The following PSMD1 variants were observed in gnomAD, a reference collection of about 807,000 sequenced individuals.
The protein encoded by PSMD1 is proteasome 26S subunit, non-ATPase 1.
Under a neutral mutation model 119.0 loss-of-function variants are expected in PSMD1, and 18 were observed. The observed-to-expected ratio is 0.15, with a 90% CI of 0.10 to 0.22. PSMD1 has a LOEUF of 0.22. Ranked by LOEUF, PSMD1 falls within the 10% of genes least tolerant of loss-of-function variation. PSMD1 has a pLI of 1.00. For synonymous variants in PSMD1, 374 were observed against 396.6 expected, an observed-to-expected ratio of 0.94 and a Z score of 0.68; for missense variants, 702 against 1,158.5, an observed-to-expected ratio of 0.61 and a Z score of 5.72.
intron 16 of PSMD1, among the ~76,000 whole-genome samples, chr2:231,133,198 GC>G (rs1695890106): frequency 6.6e-6 from 1 of 151,974 alleles, no homozygotes; most frequent in Admixed American, 6.6e-5. Flanking sequence ...TCACTCTGTC[GC>G]CCAGCCTCCT....
intron 16 of PSMD1, among the ~76,000 whole-genome samples, chr2:231,090,221 C>T (rs1694555954): frequency 6.6e-6 from 1 of 152,178 alleles, no homozygotes; most frequent in Admixed American, 6.5e-5. Context: ...ACTTTCAAGT[C>T]GTATTATTTA....
intron 18 of PSMD1, among the ~76,000 whole-genome samples, chr2:231,151,329 T>C (rs1331071360): frequency 6.6e-6 from 1 of 152,154 alleles, no homozygotes; most frequent in Non-Finnish European, 1.5e-5. Flanking sequence ...TAGATGTGAA[T>C]AGAGGGAGTA....
At position 231,111,848 on chromosome 2, in the gene PSMD1, A is replaced by G. The variant is rs578059176; in HGVS notation, c.1883+24667A>G. On this transcript the variant is annotated intron_variant, in intron 16 of 24. Coordinates refer to ENST00000308696, the MANE Select transcript of PSMD1 (RefSeq NM_002807.4). ...TTCCTTTTAATCTTTTTTCTCCTGC[A>G]TCACTCATCACTTTGTGTTAGTGTA... is the stretch of plus-strand genomic sequence containing the variant. Among the ~76,000 whole-genome samples, 780 of 152,316 alleles carry G rather than the reference A, an allele frequency of 5.1e-3. 6 individuals carry two copies. The highest frequency in any genetic ancestry group is 0.017 in the African/African-American group (716 of 41,560).
Position 231,056,879 on chromosome 2 carries a change from A to G in PSMD1, c.-147A>G. The G allele has an allele frequency of 8.7e-7, 1 of 1,146,624 alleles. No individual in the cohort carries two copies. Among genetic ancestry groups the G allele is most frequent in the Non-Finnish European group, 1.2e-6 (1 of 806,224 alleles). 71.0% of individuals were successfully genotyped at this position (1,146,624 alleles called of 1,614,324 possible). A position where few individuals can be genotyped will look rare whatever the true frequency, so the allele number is the denominator to read the frequency against. ...CTGGGCGGGCGGGGTCCTGGCGAGA[A>G]GCGAGCCGGCGGCCTGAGGAGGCGA... On this transcript the variant is annotated 5_prime_UTR_variant, in exon 1 of 25. Transcript: ENST00000308696.
At chr2:231,061,961 T>G (rs1299781366) in intron 2 of PSMD1, among the ~76,000 whole-genome samples, 6 of 152,252 alleles carry the variant, frequency 3.9e-5, no homozygotes, top group Admixed American at 3.9e-4. Context: ...GATGAAAATT[T>G]GGAATGTCCT....
At chr2:231,169,341 A>G (rs377120670) in intron 23 of PSMD1, among the ~76,000 whole-genome samples, 2 of 152,168 alleles carry the variant, frequency 1.3e-5, no homozygotes, top group African/African-American at 4.8e-5. Flanking sequence ...CATTTGGTCC[A>G]TTAGGTTCAA....
chr2:231,068,988 T>C (rs1693973137), intron 5 of PSMD1, among the ~76,000 whole-genome samples: 1 of 152,194 alleles, frequency 6.6e-6, no homozygotes, highest in Admixed American at 6.5e-5. Context: ...ATAATTTATA[T>C]AGAGTTTGGT....
chr2:231,093,141 A>G (rs1694640542), intron 16 of PSMD1, among the ~76,000 whole-genome samples: 1 of 152,154 alleles, frequency 6.6e-6, no homozygotes, highest in South Asian at 2.1e-4. Context: ...TTATGTTATT[A>G]GAGGTTGGGA....
chr2:231,074,750 G>A (rs1433355916), intron 7 of PSMD1, among the ~76,000 whole-genome samples: 4 of 152,234 alleles, frequency 2.6e-5, no homozygotes, highest in Middle Eastern at 6.8e-3. Flanking sequence ...GCTTGTTTAG[G>A]ATAGTTTTTC....
rs975655793 is a variant in PSMD1, at chr2:231,141,872, A to ATTTG, written c.1998+3030_1998+3033dup. 2.0e-5 allele frequency among the ~76,000 whole-genome samples: 3 copies of ATTTG among 151,356 alleles called. No individual in the cohort carries two copies. In the East Asian group the frequency reaches 5.9e-4, roughly 30 times the overall value. On this transcript the variant is annotated intron_variant, in intron 17 of 24. Transcript: ENST00000308696. ...TTTTTATTTTTGTTTTTATTTATTT[A>ATTTG]TTTGTTTGTTTATTTATTTATTTAT...
chr2:231,067,215 A>G (rs1332178765), intron 5 of PSMD1, 104 bp downstream of exon 5: 1 of 845,524 alleles, frequency 1.2e-6, no homozygotes, highest in Non-Finnish European at 1.8e-6. Context: ...AATCTAGTTT[A>G]GAAATAGCAG....
At chr2:231,100,491 G>A (rs111287678) in intron 16 of PSMD1, among the ~76,000 whole-genome samples, 3,306 of 152,242 alleles carry the variant, frequency 0.022, 131 homozygotes, top group African/African-American at 0.075. Flanking sequence ...AGTTAGGGTG[G>A]ACCAGGTGAT....
intron 16 of PSMD1, chr2:231,123,503 C>T: frequency 1.9e-6 from 3 of 1,614,040 alleles, no homozygotes; most frequent in Non-Finnish European, 2.5e-6. Context: ...TAATTAGTAG[C>T]ATACTGCAGC....
intron 16 of PSMD1, chr2:231,113,965 T>A: frequency 1.9e-6 from 3 of 1,544,110 alleles, no homozygotes; most frequent in Non-Finnish European, 2.7e-6. Context: ...CATTTTATTC[T>A]ATAAAATGGC....
In PSMD1 at chr2:231,086,131, A is replaced by T. The variant is rs1425252023; in HGVS notation, c.1819-986A>T. 2.0e-5 allele frequency among the ~76,000 whole-genome samples: 3 copies of T among 151,576 alleles called. No individual in the cohort carries two copies. In the East Asian group the frequency reaches 5.8e-4, roughly 29 times the overall value. On this transcript the variant is annotated intron_variant, in intron 15 of 24. Transcript: ENST00000308696. ...TCACAGCTCATTGCAGCCTCAAACT[A>T]CTGGGCTCAAGTGATCCTCCTCCTA...
At chr2:231,077,764 C>G (rs1409835115) in intron 9 of PSMD1, among the ~76,000 whole-genome samples, 1 of 152,108 alleles carries the variant, frequency 6.6e-6, no homozygotes, top group African/African-American at 2.4e-5. Context: ...CCTTCTCGCT[C>G]TCTTATTTAT....
At chr2:231,150,459 T>C (rs1395500988) in intron 18 of PSMD1, among the ~76,000 whole-genome samples, 1 of 152,088 alleles carries the variant, frequency 6.6e-6, no homozygotes, top group Non-Finnish European at 1.5e-5. Flanking sequence ...TGTGCGTATG[T>C]GTGTTTATAG....
chr2:231,100,768 A>G (rs1342766953), intron 16 of PSMD1, among the ~76,000 whole-genome samples: 1 of 152,186 alleles, frequency 6.6e-6, no homozygotes, highest in Non-Finnish European at 1.5e-5. Flanking sequence ...CTGTTTCAAT[A>G]CTTTTATATA....
At chr2:231,129,878 G>T (rs528717465) in intron 16 of PSMD1, among the ~76,000 whole-genome samples, 95 of 152,196 alleles carry the variant, frequency 6.2e-4, no homozygotes, top group Admixed American at 2.0e-3. Flanking sequence ...TTTCGAGACG[G>T]AGTCTCACTC....
Sources: gnomAD v4.1 joint callset for allele counts (sites outside exome capture counted in the v4.1 genomes callset) on GRCh38, gnomAD v4.1.1 for gene constraint, MANE v1.5 for transcripts, NCBI Gene and HGNC (gene_info 2026-07-23, HGNC 2026-07-21) for gene names.